IGSF5: variants seen among roughly 807,000 people sequenced by gnomAD.
The protein encoded by IGSF5 is immunoglobulin superfamily 5 like.
In IGSF5, 41 loss-of-function variants were observed where a neutral mutation model predicts 39.4. The ratio of observed to expected loss-of-function variants is 1.04; its 90% confidence interval spans 0.81 to 1.35. IGSF5 has a LOEUF of 1.35. Among genes scored for constraint, IGSF5 ranks in the 40% most tolerant of loss-of-function variants. The pLI, the probability that IGSF5 is intolerant of heterozygous loss-of-function variation, is 0.00. For missense variants in IGSF5, 487 were observed against 494.6 expected (o/e 0.98, Z 0.15); for synonymous variants, 183 against 175.3 (o/e 1.04, Z -0.34).
At chr21:39,734,993 A>G in the IGSF5 span, among the ~76,000 whole-genome samples, 1 of 151,960 alleles carries the variant, frequency 6.6e-6, no homozygotes, top group African/African-American at 2.4e-5. Context: ...CCTCCCAAGT[A>G]GCTGAGATTC....
At chr21:39,717,338 T>C in the IGSF5 span, among the ~76,000 whole-genome samples, 2 of 152,236 alleles carry the variant, frequency 1.3e-5, no homozygotes, top group Non-Finnish European at 2.9e-5. Flanking sequence ...CAGAAGGTCT[T>C]AAGTTTAATT....
chr21:39,754,578 T>C (rs1402470429), intron 2 of IGSF5, among the ~76,000 whole-genome samples: 1 of 152,216 alleles, frequency 6.6e-6, no homozygotes, highest in Non-Finnish European at 1.5e-5. Context: ...CTTCTGAGTG[T>C]GTTTGCCTCT....
At chr21:39,717,780 C>G in the IGSF5 span, among the ~76,000 whole-genome samples, 1 of 152,114 alleles carries the variant, frequency 6.6e-6, no homozygotes, top group African/African-American at 2.4e-5. Flanking sequence ...AACATAATTC[C>G]TCCAGATTTG....
chr21:39,728,900 G>A, the IGSF5 span, among the ~76,000 whole-genome samples: 51 of 152,180 alleles, frequency 3.4e-4, 1 homozygote, highest in East Asian at 9.8e-3. Context: ...CTATTTTATA[G>A]AAGGGAAACT....
upstream of IGSF5, among the ~76,000 whole-genome samples, chr21:39,740,399 T>C (rs1477902992): frequency 6.6e-6 from 1 of 152,234 alleles, no homozygotes; most frequent in African/African-American, 2.4e-5. Context: ...AGGTGTTCCC[T>C]CAGAAGTTAG....
the IGSF5 span, among the ~76,000 whole-genome samples, chr21:39,716,148 A>G: frequency 6.6e-6 from 1 of 152,184 alleles, no homozygotes; most frequent in Non-Finnish European, 1.5e-5. Flanking sequence ...TAGTTGCACC[A>G]CTGCGGAGGA....
At chr21:39,730,968 C>T in the IGSF5 span, among the ~76,000 whole-genome samples, 6 of 152,184 alleles carry the variant, frequency 3.9e-5, no homozygotes, top group East Asian at 1.2e-3. Context: ...GTTTTAAAGG[C>T]CTCTCGCCTA....
At chr21:39,778,561 T>C (rs2045650044) in intron 4 of IGSF5, among the ~76,000 whole-genome samples, 2 of 152,134 alleles carry the variant, frequency 1.3e-5, no homozygotes, top group Admixed American at 1.3e-4. Context: ...AATTTGAGGA[T>C]CGGGGAGCTG....
the IGSF5 span, chr21:39,729,682 G>T: frequency 1.3e-5 from 2 of 152,230 alleles, no homozygotes; most frequent in Admixed American, 1.3e-4. Flanking sequence ...GCAGGTCTTG[G>T]CCAGGAGCAT....
At chr21:39,798,827 A>C (rs2087012451) in intron 8 of IGSF5, among the ~76,000 whole-genome samples, 1 of 152,258 alleles carries the variant, frequency 6.6e-6, no homozygotes, top group Non-Finnish European at 1.5e-5. Flanking sequence ...GATGAGCAAG[A>C]CAAGATGCAG....
Position 39,802,043 on chromosome 21 carries a change from G to T in IGSF5, c.*686G>T, listed in dbSNP as rs182525225. 7.9e-5 allele frequency: 12 copies of T among 152,272 alleles called. No individual in the cohort carries two copies. The highest frequency in any genetic ancestry group is 2.9e-4 in the African/African-American group (12 of 41,542). 9.4% of individuals were successfully genotyped at this position (152,272 alleles called of 1,614,324 possible). ...CACACCGTGAAAAAACTGGAAATGG[G>T]CATTGTAGTCTTTAATTAATAAAAA... On this transcript the variant is annotated 3_prime_UTR_variant, in exon 9 of 9. Coordinates refer to ENST00000380588, the MANE Select transcript of IGSF5 (RefSeq NM_001080444.2).
intron 8 of IGSF5, among the ~76,000 whole-genome samples, chr21:39,795,457 A>C (rs937898736): frequency 2.0e-5 from 3 of 151,738 alleles, no homozygotes; most frequent in African/African-American, 7.3e-5. Context: ...GACAAGCCAA[A>C]GTGTTCAGGT....
chr21:39,740,600 C>T (rs370526110), upstream of IGSF5, among the ~76,000 whole-genome samples: 15 of 152,218 alleles, frequency 9.9e-5, 1 homozygote, highest in African/African-American at 3.6e-4. Flanking sequence ...TACTGCATAC[C>T]CCACTTTTTG....
the IGSF5 span, among the ~76,000 whole-genome samples, chr21:39,737,327 GCACT>G: frequency 1.3e-5 from 2 of 152,086 alleles, no homozygotes; most frequent in East Asian, 1.9e-4. Flanking sequence ...CACCGAGCAA[GCACT>G]CAGCTCTGCA....
At chr21:39,777,304 G>A (rs777100842) in intron 4 of IGSF5, among the ~76,000 whole-genome samples, 8 of 152,162 alleles carry the variant, frequency 5.3e-5, no homozygotes, top group Non-Finnish European at 7.3e-5. Context: ...TTGTGGCTGC[G>A]TACAAGGGAT....
chr21:39,738,989 A>G, the IGSF5 span, among the ~76,000 whole-genome samples: 2 of 152,058 alleles, frequency 1.3e-5, no homozygotes, highest in Non-Finnish European at 2.9e-5. This position sits in a 1 kb window ranked among gnomAD's most constrained non-coding sequence, Gnocchi z 6.4. Context: ...CCCGGGTTCA[A>G]GCAATTCTCC....
At chr21:39,748,199 C>T (rs8128320) in intron 2 of IGSF5, among the ~76,000 whole-genome samples, 14,884 of 148,628 alleles carry the variant, frequency 0.1, 2,373 homozygotes, top group African/African-American at 0.34. Context: ...GCAGAGTCAG[C>T]GTCTTGGTGA....
At position 39,778,127 on chromosome 21, in the gene IGSF5, C is replaced by G. The variant is rs2080150258; in HGVS notation, c.719-963C>G. Among the ~76,000 whole-genome samples, 3 of 152,150 alleles carry G rather than the reference C, an allele frequency of 2.0e-5. No individual in the cohort carries two copies. The South Asian group carries it at 6.2e-4, about 32-fold the overall frequency. On this transcript the variant is annotated intron_variant, in intron 4 of 8. Coordinates refer to ENST00000380588, the MANE Select transcript of IGSF5 (RefSeq NM_001080444.2). ...TGTGGTTTGACTTCAGCGTGGTGCG[C>G]TAGGGAGAAGTGAAGGGCTGGATGA...
chr21:39,734,439 TACACACACACAC>T, the IGSF5 span, among the ~76,000 whole-genome samples: 3,630 of 120,270 alleles, frequency 0.03, 66 homozygotes, highest in Admixed American at 0.044. Flanking sequence ...AAAAAAAAAA[TACACACACACAC>T]ACACACACAC....
Sources: allele counts gnomAD v4.1 joint callset (sites outside exome capture counted in the v4.1 genomes callset), GRCh38; gene constraint gnomAD v4.1.1; non-coding constraint Gnocchi (gnomAD v3.1); transcripts MANE v1.5; gene names NCBI Gene and HGNC (gene_info 2026-07-23, HGNC 2026-07-21).